CUL1: variants seen among roughly 807,000 people sequenced by gnomAD.
CUL1 encodes cullin-1.
Under a neutral mutation model 118.0 loss-of-function variants are expected in CUL1, and 24 were observed. That is an observed-to-expected ratio of 0.20 (90% CI 0.15 to 0.29). The LOEUF (loss-of-function observed/expected upper bound fraction) is 0.29. Ranked by LOEUF, CUL1 falls within the 10% of genes least tolerant of loss-of-function variation. The pLI is 1.00. For missense variants in CUL1, 361 were observed against 933.8 expected, an observed-to-expected ratio of 0.39 and a Z score of 7.99; for synonymous variants, 332 against 340.4, an observed-to-expected ratio of 0.98 and a Z score of 0.27.
At chr7:148,774,616 T>G (rs1022472350) in intron 9 of CUL1, among the ~76,000 whole-genome samples, 1 of 152,164 alleles carries the variant, frequency 6.6e-6, no homozygotes, top group Non-Finnish European at 1.5e-5. Flanking sequence ...GAATATCTCC[T>G]TACACTTGGT....
At chr7:148,706,743 CGTACT>C (rs1173635971) in intron 1 of CUL1, among the ~76,000 whole-genome samples, 5 of 151,994 alleles carry the variant, frequency 3.3e-5, no homozygotes, top group African/African-American at 7.3e-5. Context: ...ACAGGTGAAA[CGTACT>C]GTATGTGTTC....
chr7:148,750,657 T>C (rs1166892454), intron 2 of CUL1, among the ~76,000 whole-genome samples: 1 of 152,090 alleles, frequency 6.6e-6, no homozygotes, highest in Non-Finnish European at 1.5e-5. Context: ...TGCATAGTAT[T>C]CCATGCCACC....
intron 14 of CUL1, among the ~76,000 whole-genome samples, chr7:148,788,984 A>G (rs1800914678): frequency 6.6e-6 from 1 of 152,068 alleles, no homozygotes; most frequent in Admixed American, 6.5e-5. Flanking sequence ...ATTTATTTTA[A>G]TGTTCACTTG....
At position 148,800,598 on chromosome 7, in the gene CUL1, C is replaced by CT. The variant is rs773256252; in HGVS notation, c.*17dup. The CT allele has an allele frequency of 8.9e-6, 14 of 1,570,156 alleles. No homozygotes were observed. The highest frequency in any genetic ancestry group is 1.1e-5 in the Non-Finnish European group (13 of 1,140,968). On this transcript the variant is annotated 3_prime_UTR_variant, in exon 22 of 22. Coordinates refer to ENST00000325222, the MANE Select transcript of CUL1 (RefSeq NM_003592.3). This position sits in a 1 kb window ranked among gnomAD's most constrained non-coding sequence, Gnocchi z 4.6. ...CTTGGCTTAACCCTTCTGGAAGGGT[C>CT]TGACTGTGTGACCCGCAGCAAATAG...
chr7:148,791,112 G>C (rs1800990697), intron 16 of CUL1, among the ~76,000 whole-genome samples: 1 of 152,132 alleles, frequency 6.6e-6, no homozygotes, highest in South Asian at 2.1e-4. Flanking sequence ...CTTGAGGCTA[G>C]GAGTTTGAGA....
chr7:148,726,577 T>C (rs985747114), intron 1 of CUL1, among the ~76,000 whole-genome samples: 1 of 152,220 alleles, frequency 6.6e-6, no homozygotes, highest in Non-Finnish European at 1.5e-5. Flanking sequence ...TTCACTGTTT[T>C]GACACTTTAA....
chr7:148,799,220 ATACAACGTTG>A, intron 20 of CUL1, 45 bp from the exon 21 acceptor site: 1 of 1,379,732 alleles, frequency 7.2e-7, no homozygotes, highest in Non-Finnish European at 1.0e-6. Context: ...TTAACTATCA[ATACAACGTTG>A]TTACAGCTCT....
At chr7:148,723,851 A>G (rs543516714) in intron 1 of CUL1, among the ~76,000 whole-genome samples, 1 of 151,452 alleles carries the variant, frequency 6.6e-6, no homozygotes, top group East Asian at 1.9e-4. Context: ...TTGAATTACT[A>G]CTGGTCTCAA....
At chr7:148,765,999 T>C (rs11768249) in intron 7 of CUL1, among the ~76,000 whole-genome samples, 70,238 of 152,104 alleles carry the variant, frequency 0.46, 16,674 homozygotes, top group Non-Finnish European at 0.52. Flanking sequence ...TAACTGTTAA[T>C]AACGATGATG....
At chr7:148,759,504 AT>A in intron 5 of CUL1, 43 bp from the exon 6 acceptor site, 1 of 1,365,044 alleles carries the variant, frequency 7.3e-7, no homozygotes, top group Non-Finnish European at 1.0e-6. Flanking sequence ...AATATATATC[AT>A]ATTCTATAAC....
chr7:148,704,135 T>G (rs1227444421), intron 1 of CUL1, among the ~76,000 whole-genome samples: 2 of 151,662 alleles, frequency 1.3e-5, no homozygotes, highest in East Asian at 3.9e-4. Context: ...AGAGGGCATG[T>G]GAACACCACC....
chr7:148,743,849 G>T (rs1044611801), intron 2 of CUL1, among the ~76,000 whole-genome samples: 1 of 152,206 alleles, frequency 6.6e-6, no homozygotes, highest in Non-Finnish European at 1.5e-5. Flanking sequence ...TTGAACCTGG[G>T]AGGTGGAGGT....
intron 2 of CUL1, among the ~76,000 whole-genome samples, chr7:148,753,758 G>A (rs1455897162): frequency 5.9e-5 from 9 of 152,224 alleles, no homozygotes; most frequent in East Asian, 1.9e-4. Context: ...CCACCTTGGC[G>A]GTGTTGCTCT....
intron 9 of CUL1, among the ~76,000 whole-genome samples, chr7:148,781,534 T>G (rs188156285): frequency 6.6e-6 from 1 of 152,360 alleles, no homozygotes; most frequent in East Asian, 1.9e-4. Context: ...AAGTTGTTCC[T>G]GGCATTCCTT....
chr7:148,784,488 A>T (rs1357135060), intron 11 of CUL1, among the ~76,000 whole-genome samples: 1 of 152,156 alleles, frequency 6.6e-6, no homozygotes, highest in East Asian at 1.9e-4. Flanking sequence ...TTATTTCTCA[A>T]TTGATGTTTT....
At chr7:148,715,849 C>A (rs1798197861) in intron 1 of CUL1, among the ~76,000 whole-genome samples, 2 of 152,140 alleles carry the variant, frequency 1.3e-5, no homozygotes, top group African/African-American at 4.8e-5. Flanking sequence ...TTATCTATTT[C>A]TGTTAATCCT....
intron 1 of CUL1, among the ~76,000 whole-genome samples, chr7:148,714,109 A>G (rs1798135891): frequency 6.6e-6 from 1 of 152,236 alleles, no homozygotes; most frequent in Admixed American, 6.5e-5. Context: ...TTGAGGCTCT[A>G]CTAATTTATT....
chr7:148,799,946 G>A (rs1223353845), intron 21 of CUL1, among the ~76,000 whole-genome samples: 1 of 152,106 alleles, frequency 6.6e-6, no homozygotes, highest in Non-Finnish European at 1.5e-5. Context: ...TTTCTGATTG[G>A]GTTTGTTTAA....
chr7:148,783,046 CATG>C (rs1360567339), intron 9 of CUL1, among the ~76,000 whole-genome samples: 1 of 152,234 alleles, frequency 6.6e-6, no homozygotes, highest in Non-Finnish European at 1.5e-5. Context: ...TTCGCGGTCT[CATG>C]AAGGGTGGTG....
Sources: allele counts gnomAD v4.1 joint callset (sites outside exome capture counted in the v4.1 genomes callset), GRCh38; gene constraint gnomAD v4.1.1; non-coding constraint Gnocchi (gnomAD v3.1); transcripts MANE v1.5; gene names NCBI Gene and HGNC (gene_info 2026-07-23, HGNC 2026-07-21).